Variants in PTPRT observed in about 807,000 individuals in gnomAD.
PTPRT encodes receptor-type tyrosine-protein phosphatase T.
Under a neutral mutation model 176.8 loss-of-function variants are expected in PTPRT, and 56 were observed. The ratio of observed to expected loss-of-function variants is 0.32; its 90% CI spans 0.26 to 0.40. The LOEUF is 0.40. Among genes scored for constraint, PTPRT ranks in the 10% least tolerant of loss-of-function variants. The pLI is 1.00. For missense variants in PTPRT, 1,540 were observed against 1,908.2 expected (o/e 0.81, Z 3.60); for synonymous variants, 783 against 739.0 (o/e 1.06, Z -0.96).
At chr20:42,967,126 T>C (rs1982343286) in intron 1 of PTPRT, among the ~76,000 whole-genome samples, 1 of 152,138 alleles carries the variant, frequency 6.6e-6, no homozygotes, top group Non-Finnish European at 1.5e-5. Flanking sequence ...CTTCCTCTTG[T>C]AGCTACTTAA....
chr20:42,759,560 T>C (rs1569138946), intron 5 of PTPRT, among the ~76,000 whole-genome samples: 4 of 152,074 alleles, frequency 2.6e-5, no homozygotes, highest in Admixed American at 2.0e-4. Flanking sequence ...GAGCAAGACA[T>C]TGAAGGAAAG....
intron 9 of PTPRT, among the ~76,000 whole-genome samples, chr20:42,381,685 T>A (rs2058699619): frequency 6.6e-6 from 1 of 150,920 alleles, no homozygotes; most frequent in South Asian, 2.1e-4. Context: ...GGAGGGAAAA[T>A]GGGGGAAGAA....
intron 9 of PTPRT, among the ~76,000 whole-genome samples, chr20:42,356,548 T>C (rs1374355461): frequency 6.6e-6 from 1 of 151,630 alleles, no homozygotes; most frequent in Non-Finnish European, 1.5e-5. Context: ...TACAAAAAAT[T>C]ATCCAGGTGT....
At chr20:42,380,811 G>A (rs569689177) in intron 9 of PTPRT, among the ~76,000 whole-genome samples, 8 of 152,126 alleles carry the variant, frequency 5.3e-5, no homozygotes, top group East Asian at 3.9e-4. Flanking sequence ...GTGTTAGTCC[G>A]TTTTTGCATT....
intron 1 of PTPRT, among the ~76,000 whole-genome samples, chr20:43,160,831 G>T (rs1458807093): frequency 6.6e-6 from 1 of 151,916 alleles, no homozygotes; most frequent in Non-Finnish European, 1.5e-5. Flanking sequence ...GCCCTGTACT[G>T]CTTCCTGGCC....
chr20:42,690,590 C>T (rs1007412704), intron 6 of PTPRT, among the ~76,000 whole-genome samples: 1 of 152,176 alleles, frequency 6.6e-6, no homozygotes, highest in Non-Finnish European at 1.5e-5. Context: ...GCGCAGCCCA[C>T]ATAAGTGGAA....
At chr20:43,155,360 G>A (rs1481863654) in intron 1 of PTPRT, among the ~76,000 whole-genome samples, 2 of 152,194 alleles carry the variant, frequency 1.3e-5, no homozygotes, top group Non-Finnish European at 2.9e-5. Context: ...CAAGGATGAA[G>A]CCCTGTCACT....
At chr20:42,869,681 T>C (rs1232089420) in intron 2 of PTPRT, among the ~76,000 whole-genome samples, 2 of 152,238 alleles carry the variant, frequency 1.3e-5, no homozygotes, top group East Asian at 1.9e-4. Flanking sequence ...TTAAAGCTGA[T>C]ACAGGAGTAA....
intron 9 of PTPRT, among the ~76,000 whole-genome samples, chr20:42,360,618 T>C (rs2058419904): frequency 6.6e-6 from 1 of 152,248 alleles, no homozygotes; most frequent in South Asian, 2.1e-4. Context: ...TGTATTGCAA[T>C]ACTTCTTGGG....
rs546760159 is a variant in PTPRT at position 42,451,280 on chromosome 20, G to T, written c.1451-2951C>A. 2.4e-3 allele frequency among the ~76,000 whole-genome samples: 362 copies of T among 152,242 alleles called. 2 individuals are homozygous for T. Among genetic ancestry groups the T allele is most frequent in the African/African-American group, 7.9e-3 (327 of 41,558 alleles). On this transcript the variant is annotated intron_variant, in intron 8 of 30. Coordinates refer to ENST00000373187, the MANE Select transcript of PTPRT (RefSeq NM_007050.6). ...TGTCATGGAGAACTGCAACCCTTTT[G>T]TTTTACACAACTGGGGGATCAAAAT...
chr20:42,058,595 A>G, the PTPRT span, among the ~76,000 whole-genome samples: 2 of 152,208 alleles, frequency 1.3e-5, no homozygotes, highest in Non-Finnish European at 2.9e-5. Flanking sequence ...GAAGAAAATG[A>G]GAACAGAGGC....
chr20:42,315,692 C>A (rs767409456), intron 12 of PTPRT, 31 bp downstream of exon 12: 1 of 1,599,812 alleles, frequency 6.3e-7, no homozygotes, highest in East Asian at 2.2e-5. Context: ...GCAAACAAGG[C>A]AAGGAATGGC....
At chr20:42,642,071 G>T (rs930829088) in intron 7 of PTPRT, among the ~76,000 whole-genome samples, 4 of 152,148 alleles carry the variant, frequency 2.6e-5, no homozygotes, top group Non-Finnish European at 5.9e-5. Context: ...CCAGCAGTGT[G>T]CCTGTCCAGA....
chr20:42,582,185 G>C (rs2073385194), intron 7 of PTPRT, among the ~76,000 whole-genome samples: 1 of 152,188 alleles, frequency 6.6e-6, no homozygotes, highest in Non-Finnish European at 1.5e-5. Context: ...AAGAGAGGAG[G>C]GAAGCACCTG....
At chr20:42,500,327 C>T (rs917803502) in intron 7 of PTPRT, among the ~76,000 whole-genome samples, 1 of 151,932 alleles carries the variant, frequency 6.6e-6, no homozygotes, top group Non-Finnish European at 1.5e-5. Flanking sequence ...CTACTCACTA[C>T]CCCCATCAGC....
At chr20:42,047,828 C>T in the PTPRT span, among the ~76,000 whole-genome samples, 2 of 152,266 alleles carry the variant, frequency 1.3e-5, no homozygotes, top group East Asian at 1.9e-4. Context: ...GGAGGCAGGA[C>T]TTCATATTTT....
At chr20:42,802,851 T>C (rs943686935) in intron 2 of PTPRT, among the ~76,000 whole-genome samples, 1 of 152,224 alleles carries the variant, frequency 6.6e-6, no homozygotes, top group Non-Finnish European at 1.5e-5. Context: ...TTGGGCAACA[T>C]ACTTAACATC....
At chr20:43,007,141 T>G (rs1409483250) in intron 1 of PTPRT, among the ~76,000 whole-genome samples, 1 of 152,154 alleles carries the variant, frequency 6.6e-6, no homozygotes, top group Non-Finnish European at 1.5e-5. Context: ...TAAACAGGAT[T>G]TGAAACCTCA....
At chr20:42,698,704 C>T (rs2075923980) in intron 6 of PTPRT, among the ~76,000 whole-genome samples, 1 of 152,138 alleles carries the variant, frequency 6.6e-6, no homozygotes, top group African/African-American at 2.4e-5. Context: ...TGGGAGGCAT[C>T]ATTTATTCAT....
Sources: gnomAD v4.1 joint callset for allele counts (sites outside exome capture counted in the v4.1 genomes callset) on GRCh38, gnomAD v4.1.1 for gene constraint, MANE v1.5 for transcripts, NCBI Gene and HGNC (gene_info 2026-07-23, HGNC 2026-07-21) for gene names.